Variants in DLG2 observed in about 807,000 individuals in gnomAD.
The protein encoded by DLG2 is discs large MAGUK scaffold protein 2.
DLG2 carries 45 observed loss-of-function variants against 132.5 expected under a neutral mutation model. That is an observed-to-expected ratio of 0.34 (90% CI 0.27 to 0.44). The LOEUF is 0.44. Among genes scored for constraint, DLG2 ranks in the 20% least tolerant of loss-of-function variants. The probability of loss-of-function intolerance (pLI) is 1.00; values close to 1 mark genes in which losing one functional copy is unlikely to be tolerated. For missense variants in DLG2, 1,045 were observed against 1,196.9 expected, an observed-to-expected ratio of 0.87 and a Z score of 1.87; for synonymous variants, 424 against 419.6, an observed-to-expected ratio of 1.01 and a Z score of -0.13.
At chr11:85,111,771 A>C in intron 5 of DLG2, 36 bp from the exon 6 acceptor site, 1 of 1,466,620 alleles carries the variant, frequency 6.8e-7, no homozygotes, top group Non-Finnish European at 9.3e-7. Context: ...TATTCTATTT[A>C]TTATGGGCCA....
chr11:84,324,669 C>A lies in DLG2; in HGVS notation c.520-73378G>T, dbSNP rs536434498. Among the ~76,000 whole-genome samples the A allele has an allele frequency of 3.9e-4, 59 of 152,148 alleles. 1 individual carries two copies. Among genetic ancestry groups the A allele is most frequent in the African/African-American group, 1.4e-3 (57 of 41,540 alleles). Reference sequence around the variant, plus strand: ...ACAATATTATCTTTCAATCCATGCACATTTACATTTATTTGTGTCTTTAAT... The same window carrying A: ...ACAATATTATCTTTCAATCCATGCAAATTTACATTTATTTGTGTCTTTAAT... On this transcript the variant is annotated intron_variant, in intron 7 of 27. Transcript: ENST00000376104.
intron 3 of DLG2, among the ~76,000 whole-genome samples, chr11:85,528,135 G>C (rs1283938166): frequency 1.3e-5 from 2 of 152,128 alleles, no homozygotes; most frequent in Admixed American, 1.3e-4. Flanking sequence ...TCTCTAGGTT[G>C]CCTGTTCACT....
chr11:84,500,589 C>T (rs761712443), intron 7 of DLG2, among the ~76,000 whole-genome samples: 3 of 152,164 alleles, frequency 2.0e-5, no homozygotes, highest in Admixed American at 6.5e-5. Flanking sequence ...ATCTAGCTTT[C>T]GTCACCTAAA....
At chr11:84,868,093 TTAA>T (rs1224161380) in intron 6 of DLG2, among the ~76,000 whole-genome samples, 4 of 148,206 alleles carry the variant, frequency 2.7e-5, no homozygotes, top group South Asian at 2.1e-4. Context: ...ATAATTCTTA[TTAA>T]TAATATATTA....
At chr11:85,095,464 T>C (rs947363722) in intron 6 of DLG2, among the ~76,000 whole-genome samples, 2 of 152,198 alleles carry the variant, frequency 1.3e-5, no homozygotes, top group Non-Finnish European at 2.9e-5. Flanking sequence ...ACTTTCTTGT[T>C]AAATAATCTA....
intron 8 of DLG2, among the ~76,000 whole-genome samples, chr11:84,233,621 AT>A (rs970563077): frequency 6.6e-6 from 1 of 152,144 alleles, no homozygotes; most frequent in Non-Finnish European, 1.5e-5. Context: ...CAAAAAATTC[AT>A]CCCCTGTGCA....
At chr11:84,680,460 C>G (rs2099726075) in intron 6 of DLG2, among the ~76,000 whole-genome samples, 2 of 152,148 alleles carry the variant, frequency 1.3e-5, no homozygotes, top group South Asian at 2.1e-4. Flanking sequence ...TCTACCTATC[C>G]TTACATGCTG....
chr11:84,941,950 G>T (rs1333614876), intron 6 of DLG2, among the ~76,000 whole-genome samples: 4 of 151,894 alleles, frequency 2.6e-5, no homozygotes, highest in African/African-American at 7.3e-5. Flanking sequence ...AGGTTTTAGG[G>T]TTTTAGATTT....
chr11:85,473,745 T>C (rs1195021820), intron 3 of DLG2, among the ~76,000 whole-genome samples: 1 of 151,998 alleles, frequency 6.6e-6, no homozygotes, highest in African/African-American at 2.4e-5. Flanking sequence ...AAAAAATACA[T>C]AAATATTGGT....
chr11:84,910,342 T>C (rs1403566499), intron 6 of DLG2, among the ~76,000 whole-genome samples: 2 of 152,224 alleles, frequency 1.3e-5, no homozygotes, highest in Admixed American at 1.3e-4. Flanking sequence ...ATTTTGAATT[T>C]TTCTTATCTG....
intron 6 of DLG2, among the ~76,000 whole-genome samples, chr11:85,069,097 A>G (rs1053023652): frequency 9.9e-5 from 15 of 151,814 alleles, no homozygotes; most frequent in African/African-American, 3.6e-4. Flanking sequence ...CTGGCTAGCC[A>G]TATGGAGAAA....
intron 3 of DLG2, among the ~76,000 whole-genome samples, chr11:85,468,131 G>T (rs1263044718): frequency 4.6e-5 from 7 of 151,946 alleles, no homozygotes; most frequent in Admixed American, 4.6e-4. Flanking sequence ...ATTGTAGTTT[G>T]TATTTCTGTG....
Position 85,466,625 on chromosome 11 carries a change from T to C in DLG2, c.40+132032A>G, listed in dbSNP as rs183417996. ...GTCAAAGATCAGATCGTTGTAGATA[T>C]GTGGCATTATTTCTGAGGGCTCTGT... On this transcript the variant is annotated intron_variant, in intron 3 of 27. Coordinates refer to ENST00000376104, the MANE Select transcript of DLG2 (RefSeq NM_001142699.3). Among the ~76,000 whole-genome samples, 45 of 152,330 alleles carry C rather than the reference T, an allele frequency of 3.0e-4. No individual in the cohort carries two copies. In the East Asian group the frequency reaches 7.5e-3, roughly 25 times the overall value.
At chr11:85,288,810 G>A (rs1026568767) in intron 3 of DLG2, among the ~76,000 whole-genome samples, 12 of 151,812 alleles carry the variant, frequency 7.9e-5, no homozygotes, top group East Asian at 3.9e-4. Flanking sequence ...TCTCTGTATC[G>A]TTTTATAGGA....
intron 6 of DLG2, among the ~76,000 whole-genome samples, chr11:84,709,327 C>T (rs1264577057): frequency 2.6e-5 from 4 of 151,650 alleles, no homozygotes. Context: ...CATGAAAAAG[C>T]TTCTTTCTAG....
intron 6 of DLG2, among the ~76,000 whole-genome samples, chr11:84,564,535 G>C (rs544678823): frequency 8.6e-5 from 13 of 152,030 alleles, no homozygotes; most frequent in African/African-American, 3.1e-4. Flanking sequence ...ATAAAATATC[G>C]CTTGTTTTTA....
At chr11:84,273,404 G>A in intron 7 of DLG2, 2 of 1,210,258 alleles carry the variant, frequency 1.7e-6, no homozygotes, top group Non-Finnish European at 2.1e-6. Flanking sequence ...TAAAAAAAAA[G>A]TTAATCAGAA....
At chr11:84,194,355 C>G (rs536445911) in intron 8 of DLG2, among the ~76,000 whole-genome samples, 5 of 152,120 alleles carry the variant, frequency 3.3e-5, no homozygotes, top group Non-Finnish European at 7.3e-5. Flanking sequence ...TTTCTTTCTT[C>G]TGGTGGGTTC....
intron 18 of DLG2, among the ~76,000 whole-genome samples, chr11:83,784,621 C>T (rs2094964660): frequency 6.6e-6 from 1 of 152,198 alleles, no homozygotes; most frequent in Non-Finnish European, 1.5e-5. Flanking sequence ...TGATAAACTA[C>T]AGCATAGTAA....
Sources: gnomAD v4.1 joint callset for allele counts (sites outside exome capture counted in the v4.1 genomes callset) on GRCh38, gnomAD v4.1.1 for gene constraint, MANE v1.5 for transcripts, NCBI Gene and HGNC (gene_info 2026-07-23, HGNC 2026-07-21) for gene names.